Variants in FMN2 observed in about 807,000 individuals in gnomAD.
The protein encoded by FMN2 is formin 2, also known as formin-2.
In FMN2, 51 loss-of-function variants were observed where a neutral mutation model predicts 142.3. That is an observed-to-expected ratio of 0.36 (90% CI 0.29 to 0.45). The LOEUF (loss-of-function observed/expected upper bound fraction) is 0.45. Among genes scored for constraint, FMN2 ranks in the 20% least tolerant of loss-of-function variants. FMN2 has a pLI of 1.00. For synonymous variants in FMN2, 882 were observed against 869.8 expected (o/e 1.01, Z -0.25); for missense variants, 1,936 against 2,122.8 (o/e 0.91, Z 1.73).
At chr1:240,093,759 A>C in intron 1 of FMN2, 35 bp downstream of exon 1, 1 of 1,287,698 alleles carries the variant, frequency 7.8e-7, no homozygotes, top group Non-Finnish European at 9.8e-7. Flanking sequence ...CCGGGTCTCA[A>C]GTCGCCTGTC....
At chr1:240,411,162 TCA>T (rs1455120429) in intron 15 of FMN2, among the ~76,000 whole-genome samples, 1 of 152,214 alleles carries the variant, frequency 6.6e-6, no homozygotes, top group African/African-American at 2.4e-5. Context: ...AACACTTCCC[TCA>T]CACTTATTTG....
At chr1:240,381,578 C>T (rs745659118) in intron 14 of FMN2, among the ~76,000 whole-genome samples, 14 of 152,080 alleles carry the variant, frequency 9.2e-5, no homozygotes, top group Admixed American at 7.9e-4. Flanking sequence ...TACAGAAACA[C>T]GCCACCATGC....
chr1:240,094,564 A>G (rs1661134166), intron 1 of FMN2, among the ~76,000 whole-genome samples: 1 of 152,164 alleles, frequency 6.6e-6, no homozygotes, highest in Admixed American at 6.5e-5. Context: ...AAGCAGTCCA[A>G]TGAGTTTATC....
intron 2 of FMN2, among the ~76,000 whole-genome samples, chr1:240,138,062 CTCAAAAAA>C (rs1217426179): frequency 7.1e-5 from 7 of 98,758 alleles, no homozygotes; most frequent in African/African-American, 2.8e-4. Context: ...AAGACTCCAT[CTCAAAAAA>C]AAAAAAAAAA....
intron 14 of FMN2, among the ~76,000 whole-genome samples, chr1:240,364,645 G>A (rs917629541): frequency 4.6e-5 from 7 of 152,136 alleles, no homozygotes; most frequent in Non-Finnish European, 7.4e-5. Flanking sequence ...CTTGATCAAA[G>A]AGCCTCTGAG....
At chr1:240,175,803 T>C (rs546412598) in intron 2 of FMN2, among the ~76,000 whole-genome samples, 2 of 152,198 alleles carry the variant, frequency 1.3e-5, no homozygotes, top group African/African-American at 2.4e-5. Context: ...TAATGATTAG[T>C]GATATTGAGC....
rs1008476977 is a variant in FMN2 at position 240,320,512 on chromosome 1, G to A, written c.4216-8564G>A. On this transcript the variant is annotated intron_variant, in intron 8 of 17. Transcript: ENST00000319653. ...TGAAAGAGATTTTGAAATGACCCTA[G>A]AGAGTGGACCTGGGACCGATAGCTA... Among the ~76,000 whole-genome samples, 36 of 152,150 alleles carry A rather than the reference G, an allele frequency of 2.4e-4. 1 individual carries two copies. Among genetic ancestry groups the A allele is most frequent in the African/African-American group, 8.7e-4 (36 of 41,426 alleles).
intron 2 of FMN2, chr1:240,144,561 T>G (rs1055167871): frequency 6.5e-6 from 9 of 1,392,412 alleles, no homozygotes; most frequent in Non-Finnish European, 9.2e-6. Flanking sequence ...TCCATGTCAT[T>G]GCGCATCAGT....
At chr1:240,426,530 A>G (rs905844099) in intron 15 of FMN2, among the ~76,000 whole-genome samples, 3 of 152,176 alleles carry the variant, frequency 2.0e-5, no homozygotes, top group Non-Finnish European at 1.5e-5. Context: ...AAAAGTTAAA[A>G]TATGTGCAAA....
intron 16 of FMN2, among the ~76,000 whole-genome samples, chr1:240,449,812 T>G (rs1422612683): frequency 2.6e-5 from 4 of 152,128 alleles, no homozygotes. Context: ...AAATAAAAAT[T>G]ATATGCATAA....
At chr1:240,241,250 T>C (rs1667886705) in intron 6 of FMN2, among the ~76,000 whole-genome samples, 1 of 151,696 alleles carries the variant, frequency 6.6e-6, no homozygotes, top group Admixed American at 6.6e-5. Flanking sequence ...TTGTATTTTT[T>C]TTTTTTTTGT....
chr1:240,210,253 C>T (rs1001355045), intron 5 of FMN2, among the ~76,000 whole-genome samples: 5 of 152,252 alleles, frequency 3.3e-5, no homozygotes, highest in Admixed American at 2.0e-4. Flanking sequence ...CAGGGAAAAA[C>T]GCACACTGTA....
At chr1:240,388,866 A>G (rs1415784669) in intron 14 of FMN2, among the ~76,000 whole-genome samples, 1 of 149,536 alleles carries the variant, frequency 6.7e-6, no homozygotes. Flanking sequence ...CCATCTCAAA[A>G]AAAAAAAAAA....
chr1:240,392,316 A>C (rs1673630659), intron 14 of FMN2, among the ~76,000 whole-genome samples, 195 bp from the exon 15 acceptor site: 1 of 152,160 alleles, frequency 6.6e-6, no homozygotes, highest in African/African-American at 2.4e-5. Context: ...ATATAATAAG[A>C]TCAACTTAAT....
At chr1:240,285,401 G>C (rs1300353486) in intron 7 of FMN2, 1 of 418,064 alleles carries the variant, frequency 2.4e-6, no homozygotes, top group Non-Finnish European at 4.8e-6. Flanking sequence ...TGCTGAGAAG[G>C]CTGTTGGTTC....
chr1:240,370,255 T>C (rs1341624103), intron 14 of FMN2, among the ~76,000 whole-genome samples: 2 of 152,216 alleles, frequency 1.3e-5, no homozygotes, highest in Admixed American at 6.5e-5. Context: ...ACCCCAGCTT[T>C]TTTGTGTTCT....
At chr1:240,393,831 C>CCACAATAGTCTGTTA (rs1211030519) in intron 15 of FMN2, among the ~76,000 whole-genome samples, 2 of 152,156 alleles carry the variant, frequency 1.3e-5, no homozygotes, top group African/African-American at 2.4e-5. Context: ...ATCAAACCAG[C>CCACAATAGTCTGTTA]CACAATAGTC....
At chr1:240,277,433 TTTTC>T (rs998088549) in intron 7 of FMN2, among the ~76,000 whole-genome samples, 3 of 137,104 alleles carry the variant, frequency 2.2e-5, no homozygotes, top group Non-Finnish European at 4.6e-5. Context: ...CCTTTCTGCC[TTTTC>T]TTTTTTTTTT....
intron 16 of FMN2, among the ~76,000 whole-genome samples, chr1:240,451,732 A>G (rs1676053538): frequency 6.6e-6 from 1 of 152,112 alleles, no homozygotes; most frequent in African/African-American, 2.4e-5. Context: ...ATAGTAAAAT[A>G]GTGGGTAGCA....
Sources: gnomAD v4.1 joint callset for allele counts (sites outside exome capture counted in the v4.1 genomes callset) on GRCh38, gnomAD v4.1.1 for gene constraint, MANE v1.5 for transcripts, NCBI Gene and HGNC (gene_info 2026-07-23, HGNC 2026-07-21) for gene names.